The following ANKRD33B variants were observed in gnomAD, a reference collection of about 807,000 sequenced individuals.
ANKRD33B encodes the protein ankyrin repeat domain 33B.
Under a neutral mutation model 21.5 loss-of-function variants are expected in ANKRD33B, and 6 were observed. The observed-to-expected ratio is 0.28, with a 90% CI of 0.15 to 0.55. The LOEUF is 0.55. ANKRD33B is among the 20% of genes least tolerant of loss of function. ANKRD33B has a pLI of 0.94. For synonymous variants in ANKRD33B, 347 were observed against 342.4 expected (o/e 1.01, Z -0.15); for missense variants, 698 against 747.2 (o/e 0.93, Z 0.77).
chr5:10,646,822 C>T (rs920118702), intron 3 of ANKRD33B, among the ~76,000 whole-genome samples: 2 of 152,182 alleles, frequency 1.3e-5, no homozygotes, highest in Admixed American at 1.3e-4. Context: ...TAATGTGTCA[C>T]AGAACTAAGA....
chr5:10,586,523 GTGTGTGTGTGTA>G lies in ANKRD33B; in HGVS notation c.366+21692_366+21703del, dbSNP rs1339008869. Among the ~76,000 whole-genome samples, 226 of 142,786 alleles carry G rather than the reference GTGTGTGTGTGTA, an allele frequency of 1.6e-3. 1 individual carries two copies. The highest frequency in any genetic ancestry group is 5.3e-3 in the African/African-American group (203 of 38,308). The allele number at this position is 142,786 out of a possible 152,430, so 93.7% of individuals were successfully genotyped here. A position where few individuals can be genotyped will look rare whatever the true frequency, so the allele number is the denominator to read the frequency against. Reference sequence around the variant, plus strand: ...TGTGTGTGTGTGTGTGTGTGTGTGTGTGTGTGTGTGTATACTGCTTTCTTCTCTTTATTTTCC... The same window carrying G: ...TGTGTGTGTGTGTGTGTGTGTGTGTGTACTGCTTTCTTCTCTTTATTTTCC... On this transcript the variant is annotated intron_variant, in intron 1 of 3. Coordinates refer to ENST00000296657, the MANE Select transcript of ANKRD33B (RefSeq NM_001164440.2).
intron 1 of ANKRD33B, among the ~76,000 whole-genome samples, chr5:10,565,891 G>A (rs1309716311): frequency 1.3e-5 from 2 of 152,250 alleles, no homozygotes; most frequent in Admixed American, 1.3e-4. Context: ...GCCTGCAGCT[G>A]ACAGAAAACA....
At chr5:10,579,310 T>C (rs1735390285) in intron 1 of ANKRD33B, among the ~76,000 whole-genome samples, 1 of 151,798 alleles carries the variant, frequency 6.6e-6, no homozygotes, top group South Asian at 2.1e-4. Context: ...ACAGGAAGGC[T>C]ATTTTTCCTA....
Position 10,655,970 on chromosome 5 carries a change from T to C in ANKRD33B, c.*5857T>C, listed in dbSNP as rs972136301. On this transcript the variant is annotated 3_prime_UTR_variant, in exon 4 of 4. Transcript: ENST00000296657. The stretch of plus-strand genomic sequence containing the variant: ...ATCTTTCTAAAACAATAAAGTCCCA[T>C]TGATGACAACTGCAGTGGGATGAAT... 3.3e-5 allele frequency: 5 copies of C among 152,346 alleles called. No homozygotes were observed. Among genetic ancestry groups the C allele is most frequent in the African/African-American group, 9.6e-5 (4 of 41,456 alleles). The allele number at this position is 152,346 out of a possible 1,614,324, so 9.4% of individuals were successfully genotyped here.
intron 1 of ANKRD33B, among the ~76,000 whole-genome samples, chr5:10,610,879 A>C (rs954748883): frequency 6.6e-6 from 1 of 152,048 alleles, no homozygotes; most frequent in African/African-American, 2.4e-5. Context: ...ACCCGTCTCT[A>C]CTAAAAATAA....
At chr5:10,578,519 A>C (rs560795620) in intron 1 of ANKRD33B, among the ~76,000 whole-genome samples, 3 of 152,358 alleles carry the variant, frequency 2.0e-5, no homozygotes, top group Admixed American at 6.5e-5. Flanking sequence ...ATGGGGACAC[A>C]GGACAGATAG....
chr5:10,586,132 C>T (rs749346395), intron 1 of ANKRD33B, among the ~76,000 whole-genome samples: 5 of 151,980 alleles, frequency 3.3e-5, no homozygotes, highest in African/African-American at 7.3e-5. Context: ...TATGTAACAC[C>T]GAGAAATACA....
chr5:10,575,095 C>A (rs59036105), intron 1 of ANKRD33B, among the ~76,000 whole-genome samples: 35,524 of 50,344 alleles, frequency 0.71, 16,748 homozygotes, highest in South Asian at 0.87. Context: ...TTCCAAGAAA[C>A]AAACAAACAA....
Position 10,641,225 on chromosome 5 carries a change from C to CTTCT in ANKRD33B, c.637+3059_637+3060insCTTT, listed in dbSNP as rs1553995125. Among the ~76,000 whole-genome samples the CTTCT allele has an allele frequency of 2.5e-3, 197 of 77,464 alleles. 1 individual carries two copies. The highest frequency in any genetic ancestry group is 4.3e-3 in the Non-Finnish European group (154 of 36,166). The allele number at this position is 77,464 out of a possible 152,430, so 50.8% of individuals were successfully genotyped here. Reference sequence around the variant, plus strand: ...TGTCCCCAGTCTTCTTCTTCTTCTTCTTTTTTTTTTTTTTTTTTTTTTTGA... The same window carrying CTTCT: ...TGTCCCCAGTCTTCTTCTTCTTCTTCTTCTTTTTTTTTTTTTTTTTTTTTTTTGA... On this transcript the variant is annotated intron_variant, in intron 3 of 3. Coordinates refer to ENST00000296657, the MANE Select transcript of ANKRD33B (RefSeq NM_001164440.2).
At chr5:10,588,962 T>C (rs954218071) in intron 1 of ANKRD33B, among the ~76,000 whole-genome samples, 3 of 152,178 alleles carry the variant, frequency 2.0e-5, no homozygotes, top group African/African-American at 7.2e-5. Flanking sequence ...CTGCTTGTCC[T>C]GTTCCCAGCT....
intron 2 of ANKRD33B, among the ~76,000 whole-genome samples, chr5:10,624,342 C>T (rs992601654): frequency 6.6e-6 from 1 of 152,142 alleles, no homozygotes; most frequent in Admixed American, 6.5e-5. Context: ...GTAGGCCAGA[C>T]TGGTTTTGAA....
chr5:10,610,051 G>A lies in ANKRD33B; in HGVS notation c.367-8282G>A, dbSNP rs1736130918. Among the ~76,000 whole-genome samples the A allele has an allele frequency of 1.3e-5, 2 of 152,214 alleles. 1 individual carries two copies. The highest frequency in any genetic ancestry group is 4.8e-5 in the African/African-American group (2 of 41,460). On this transcript the variant is annotated intron_variant, in intron 1 of 3. Transcript: ENST00000296657. Reference sequence around the variant, plus strand: ...CAGCCAATAGATGCATGGAAAGGTGGCCAGTCTTACTGGCAATCAGGAATG... The same window carrying A: ...CAGCCAATAGATGCATGGAAAGGTGACCAGTCTTACTGGCAATCAGGAATG...
At chr5:10,595,327 C>T (rs1439274855) in intron 1 of ANKRD33B, among the ~76,000 whole-genome samples, 3 of 152,080 alleles carry the variant, frequency 2.0e-5, no homozygotes, top group Non-Finnish European at 4.4e-5. Flanking sequence ...GATTCTCTCA[C>T]AATTCTGGGG....
chr5:10,629,790 C>T (rs1736663186), intron 2 of ANKRD33B, among the ~76,000 whole-genome samples: 1 of 152,064 alleles, frequency 6.6e-6, no homozygotes, highest in South Asian at 2.1e-4. Context: ...GGCGGAAAAT[C>T]AGAAGGGTGA....
chr5:10,604,528 A>C (rs931514698), intron 1 of ANKRD33B, among the ~76,000 whole-genome samples: 3 of 151,486 alleles, frequency 2.0e-5, no homozygotes, highest in African/African-American at 4.8e-5. Flanking sequence ...AAAAAAAGAA[A>C]AAAAAAAGAA....
At position 10,656,318 on chromosome 5, in the gene ANKRD33B, A is replaced by G. The variant is rs973583728; in HGVS notation, c.*6205A>G. The G allele has an allele frequency of 6.6e-6, 1 of 152,388 alleles. No homozygotes were observed. Among genetic ancestry groups the G allele is most frequent in the Non-Finnish European group, 1.5e-5 (1 of 68,042 alleles). The allele number at this position is 152,388 out of a possible 1,614,324, so 9.4% of individuals were successfully genotyped here. On this transcript the variant is annotated 3_prime_UTR_variant, in exon 4 of 4. Transcript: ENST00000296657. ...CCGGTGTTGCATACACAATTTCCTCACGCTGACCCAGCCTGACTAAGACTT... is the reference window on the plus strand; with the variant it reads ...CCGGTGTTGCATACACAATTTCCTCGCGCTGACCCAGCCTGACTAAGACTT...
Position 10,651,111 on chromosome 5 carries a change from T to C in ANKRD33B, c.*998T>C, listed in dbSNP as rs1737347915. On this transcript the variant is annotated 3_prime_UTR_variant, in exon 4 of 4. Transcript: ENST00000296657. ...GCAAATTACAGGAATGGGGAGGAGGTGATTTTTAGAAGAGGTGAGAGAATG... is the reference window on the plus strand; with the variant it reads ...GCAAATTACAGGAATGGGGAGGAGGCGATTTTTAGAAGAGGTGAGAGAATG... 1 of 151,668 alleles carries C rather than the reference T, an allele frequency of 6.6e-6. No individual in the cohort carries two copies. The allele number at this position is 151,668 out of a possible 1,614,324, so 9.4% of individuals were successfully genotyped here.
At chr5:10,630,085 C>T (rs974860874) in intron 2 of ANKRD33B, among the ~76,000 whole-genome samples, 7 of 152,158 alleles carry the variant, frequency 4.6e-5, no homozygotes, top group South Asian at 2.1e-4. Flanking sequence ...CTGTGAGTCA[C>T]ATATGCTTTT....
intron 1 of ANKRD33B, among the ~76,000 whole-genome samples, chr5:10,606,379 ATT>A (rs1216724194): frequency 6.7e-6 from 1 of 148,520 alleles, no homozygotes; most frequent in Non-Finnish European, 1.5e-5. Flanking sequence ...ATAAAATGTC[ATT>A]TCTTTATTTA....
Sources: gnomAD v4.1 joint callset for allele counts (sites outside exome capture counted in the v4.1 genomes callset) on GRCh38, gnomAD v4.1.1 for gene constraint, MANE v1.5 for transcripts, NCBI Gene and HGNC (gene_info 2026-07-23, HGNC 2026-07-21) for gene names.